The following AGBL4 variants were observed in gnomAD, a reference collection of about 807,000 sequenced individuals.
AGBL4 encodes AGBL carboxypeptidase 4.
Under a neutral mutation model 66.4 loss-of-function variants are expected in AGBL4, and 58 were observed. The ratio of observed to expected loss-of-function variants is 0.87; its 90% CI spans 0.71 to 1.09. AGBL4 has a LOEUF of 1.09. AGBL4 is among the 50% of genes least tolerant of loss of function. AGBL4 has a pLI of 0.00. For synonymous variants in AGBL4, 234 were observed against 222.9 expected (o/e 1.05, Z -0.44); for missense variants, 579 against 631.0 (o/e 0.92, Z 0.88).
intron 5 of AGBL4, among the ~76,000 whole-genome samples, chr1:48,943,006 C>A (rs1365305655): frequency 6.6e-6 from 1 of 152,194 alleles, no homozygotes; most frequent in East Asian, 1.9e-4. Flanking sequence ...TAATCATCAT[C>A]TTTTCCCCTT....
At chr1:49,575,557 T>TC (rs1365524881) in intron 3 of AGBL4, among the ~76,000 whole-genome samples, 3 of 152,198 alleles carry the variant, frequency 2.0e-5, no homozygotes, top group Admixed American at 2.0e-4. Flanking sequence ...TTCTACCACA[T>TC]CCCCATTCAA....
chr1:49,433,445 T>C (rs1050184832), intron 3 of AGBL4, among the ~76,000 whole-genome samples: 2 of 152,162 alleles, frequency 1.3e-5, no homozygotes, highest in Admixed American at 6.5e-5. Flanking sequence ...TTGCTTGGTG[T>C]GTGGGGAAAT....
At chr1:48,927,756 C>T (rs1218197108) in intron 5 of AGBL4, among the ~76,000 whole-genome samples, 1 of 152,162 alleles carries the variant, frequency 6.6e-6, no homozygotes, top group Non-Finnish European at 1.5e-5. Context: ...AGGATCCAAT[C>T]CAACTAACTC....
At chr1:49,164,465 A>G in intron 4 of AGBL4, among the ~76,000 whole-genome samples, 1 of 152,172 alleles carries the variant, frequency 6.6e-6, no homozygotes, top group East Asian at 1.9e-4. Flanking sequence ...TTAGCCCAAA[A>G]AGGAGACAAA....
chr1:48,941,284 T>G (rs1655951523), intron 5 of AGBL4, among the ~76,000 whole-genome samples: 1 of 152,208 alleles, frequency 6.6e-6, no homozygotes, highest in Non-Finnish European at 1.5e-5. Flanking sequence ...GTGTTTGCTG[T>G]GGGACACTAT....
chr1:49,269,412 C>T (rs1644004924), intron 3 of AGBL4: 2 of 152,072 alleles, frequency 1.3e-5, no homozygotes, highest in African/African-American at 4.8e-5. Flanking sequence ...AGAAATAACC[C>T]TGTAAAGCTG....
chr1:48,744,812 A>G (rs575935585), intron 6 of AGBL4, among the ~76,000 whole-genome samples: 1 of 152,226 alleles, frequency 6.6e-6, no homozygotes, highest in East Asian at 1.9e-4. Context: ...GCTAGGGTTC[A>G]TTTCTTGCCC....
rs138347054 is a variant in AGBL4 at position 49,929,195 on chromosome 1, A to G, written c.35-77677T>C. On this transcript the variant is annotated intron_variant, in intron 1 of 13. Coordinates refer to ENST00000371839, the MANE Select transcript of AGBL4 (RefSeq NM_032785.4). Reference sequence around the variant, plus strand: ...GGAGGGGGGCAAAGATTGAAAAACCACCTATTGGGTAACAGGCTCACTTCC... The same window carrying G: ...GGAGGGGGGCAAAGATTGAAAAACCGCCTATTGGGTAACAGGCTCACTTCC... 4.8e-3 allele frequency among the ~76,000 whole-genome samples: 725 copies of G among 152,200 alleles called. 3 individuals are homozygous for G. The highest frequency in any genetic ancestry group is 0.016 in the East Asian group (83 of 5,166).
chr1:49,671,580 A>G (rs1427723189), intron 3 of AGBL4, among the ~76,000 whole-genome samples: 1 of 152,218 alleles, frequency 6.6e-6, no homozygotes, highest in East Asian at 1.9e-4. Flanking sequence ...TTTGCAAACT[A>G]TGCATCTGAC....
chr1:49,235,637 T>C (rs189395161), intron 4 of AGBL4, among the ~76,000 whole-genome samples: 5 of 152,302 alleles, frequency 3.3e-5, no homozygotes, highest in Admixed American at 3.3e-4. Flanking sequence ...TGGAAGGAAG[T>C]AGTATATCTC....
chr1:49,928,585 A>G (rs1274825504), intron 1 of AGBL4, among the ~76,000 whole-genome samples: 1 of 152,184 alleles, frequency 6.6e-6, no homozygotes, highest in Non-Finnish European at 1.5e-5. Context: ...TGGAAGAGGA[A>G]GGATAGAGAA....
intron 3 of AGBL4, among the ~76,000 whole-genome samples, chr1:49,324,701 T>C (rs944442376): frequency 6.6e-6 from 1 of 152,222 alleles, no homozygotes; most frequent in Admixed American, 6.5e-5. Context: ...CATTCAACAA[T>C]GTGTTTGTTG....
intron 3 of AGBL4, among the ~76,000 whole-genome samples, chr1:49,572,039 G>A (rs781238668): frequency 8.6e-5 from 13 of 151,984 alleles, no homozygotes; most frequent in Non-Finnish European, 1.6e-4. Context: ...TTTTTATGCT[G>A]TGTCCTTGTT....
intron 3 of AGBL4, among the ~76,000 whole-genome samples, chr1:49,688,975 C>G (rs935260905): frequency 2.0e-5 from 3 of 151,954 alleles, no homozygotes; most frequent in African/African-American, 7.3e-5. Context: ...TTATTAATCC[C>G]TTGTCAGGTG....
At chr1:49,077,999 C>A (rs659760) in intron 4 of AGBL4, among the ~76,000 whole-genome samples, 102,834 of 151,914 alleles carry the variant, frequency 0.68, 35,330 homozygotes, top group African/African-American at 0.75. Context: ...GAATGAAAAA[C>A]CAGGTTTGAA....
chr1:49,320,795 A>G (rs1397086628), intron 3 of AGBL4, among the ~76,000 whole-genome samples: 2 of 152,186 alleles, frequency 1.3e-5, no homozygotes, highest in Non-Finnish European at 2.9e-5. Flanking sequence ...AGTAATTTAT[A>G]AAAGAAAGAG....
At chr1:49,309,100 G>C (rs1644900275) in intron 3 of AGBL4, among the ~76,000 whole-genome samples, 1 of 152,056 alleles carries the variant, frequency 6.6e-6, no homozygotes, top group South Asian at 2.1e-4. Flanking sequence ...CATAGGTATA[G>C]CAGAAACAAT....
At chr1:49,512,907 T>C (rs1295171331) in intron 3 of AGBL4, among the ~76,000 whole-genome samples, 1 of 152,036 alleles carries the variant, frequency 6.6e-6, no homozygotes, top group Non-Finnish European at 1.5e-5. Flanking sequence ...CCAAAAGTTG[T>C]ACTCTTTTCA....
intron 6 of AGBL4, among the ~76,000 whole-genome samples, chr1:48,819,637 T>C (rs750025952): frequency 6.6e-6 from 1 of 152,166 alleles, no homozygotes; most frequent in Non-Finnish European, 1.5e-5. Flanking sequence ...AATGCTAGAC[T>C]TACAAGAGCC....
Sources: allele counts gnomAD v4.1 joint callset (sites outside exome capture counted in the v4.1 genomes callset), GRCh38; gene constraint gnomAD v4.1.1; transcripts MANE v1.5; gene names NCBI Gene and HGNC (gene_info 2026-07-23, HGNC 2026-07-21).